PCSK5: variants seen among roughly 807,000 people sequenced by gnomAD.
The protein encoded by PCSK5 is proprotein convertase subtilisin/kexin type 5.
In PCSK5, 129 loss-of-function variants were observed where a neutral mutation model predicts 233.2. The observed-to-expected ratio is 0.55, with a 90% CI of 0.48 to 0.64. PCSK5 has a LOEUF of 0.64. PCSK5 is among the 30% of genes least tolerant of loss of function. The pLI, the probability that PCSK5 is intolerant of heterozygous loss-of-function variation, is 0.00. For synonymous variants in PCSK5, 825 were observed against 879.2 expected (o/e 0.94, Z 1.09); for missense variants, 2,076 against 2,430.1 (o/e 0.85, Z 3.06).
chr9:75,908,869 TTCTATTTATCTA>T (rs1346331082), intron 1 of PCSK5, among the ~76,000 whole-genome samples: 104 of 119,990 alleles, frequency 8.7e-4, no homozygotes, highest in African/African-American at 1.5e-3. Context: ...ATCCTTCTCT[TTCTATTTATCTA>T]TCTATCTATC....
At chr9:75,890,201 T>G (rs1825511896), upstream of PCSK5, among the ~76,000 whole-genome samples, 2 of 152,178 alleles carry the variant, frequency 1.3e-5, no homozygotes. Context: ...GAGCAGAAAG[T>G]GTAAAATAAA....
intron 7 of PCSK5, among the ~76,000 whole-genome samples, chr9:76,078,728 C>G (rs1830727669): frequency 2.0e-5 from 3 of 152,120 alleles, no homozygotes; most frequent in Admixed American, 2.0e-4. Flanking sequence ...TTACTGTAGG[C>G]TTTTAGTATA....
intron 12 of PCSK5, among the ~76,000 whole-genome samples, chr9:76,163,570 C>T (rs1184074825): frequency 6.6e-6 from 1 of 151,836 alleles, no homozygotes; most frequent in East Asian, 1.9e-4. Context: ...CCCCTGCCCT[C>T]CCACCCTCTT....
chr9:76,028,710 A>C (rs1000991470), intron 5 of PCSK5, among the ~76,000 whole-genome samples: 24 of 152,086 alleles, frequency 1.6e-4, no homozygotes, highest in African/African-American at 5.6e-4. Flanking sequence ...CCTAAACTGT[A>C]ATTTCTAATC....
intron 1 of PCSK5, among the ~76,000 whole-genome samples, chr9:75,927,821 G>T (rs1162596981): frequency 1.3e-5 from 2 of 152,072 alleles, no homozygotes; most frequent in African/African-American, 4.8e-5. Flanking sequence ...ATTATTTTTT[G>T]AAATTACAGG....
At chr9:76,103,626 A>G (rs1399078569) in intron 8 of PCSK5, among the ~76,000 whole-genome samples, 1 of 152,168 alleles carries the variant, frequency 6.6e-6, no homozygotes, top group African/African-American at 2.4e-5. Context: ...AACAGTACCC[A>G]CCGCTTGTCA....
intron 9 of PCSK5, among the ~76,000 whole-genome samples, chr9:76,108,323 G>A (rs920772147): frequency 1.3e-5 from 2 of 152,180 alleles, no homozygotes; most frequent in African/African-American, 2.4e-5. Flanking sequence ...TGATATAAGC[G>A]ATTTTCTAAA....
At chr9:76,050,457 A>T (rs1418531684) in intron 5 of PCSK5, among the ~76,000 whole-genome samples, 2 of 152,132 alleles carry the variant, frequency 1.3e-5, no homozygotes, top group Non-Finnish European at 2.9e-5. Context: ...TAGCATATAC[A>T]CTCAGTATAC....
At chr9:76,057,545 A>G (rs1723018325) in intron 5 of PCSK5, among the ~76,000 whole-genome samples, 1 of 152,194 alleles carries the variant, frequency 6.6e-6, no homozygotes, top group Non-Finnish European at 1.5e-5. Flanking sequence ...GTGAAGGTTC[A>G]GCTCAGATAA....
At chr9:75,956,764 TTGG>T (rs1174450450) in intron 2 of PCSK5, among the ~76,000 whole-genome samples, 2 of 152,174 alleles carry the variant, frequency 1.3e-5, no homozygotes, top group African/African-American at 4.8e-5. Flanking sequence ...CCTTATTTTC[TTGG>T]TGGTCCGCCT....
intron 5 of PCSK5, among the ~76,000 whole-genome samples, chr9:76,064,472 T>C (rs1587575917): frequency 8.1e-6 from 1 of 122,956 alleles, no homozygotes; most frequent in African/African-American, 3.3e-5. Flanking sequence ...ACCCCCCACC[T>C]CCCTCCCGGA....
At chr9:76,347,200 G>C (rs1020222138) in intron 35 of PCSK5, among the ~76,000 whole-genome samples, 2 of 151,660 alleles carry the variant, frequency 1.3e-5, no homozygotes, top group Non-Finnish European at 2.9e-5. Flanking sequence ...GCATCTTTCT[G>C]TGTAGACTGA....
At chr9:76,330,561 C>A (rs536779597) in intron 33 of PCSK5, among the ~76,000 whole-genome samples, 5 of 151,430 alleles carry the variant, frequency 3.3e-5, no homozygotes, top group Non-Finnish European at 5.9e-5. Context: ...CCAGTCTAGG[C>A]AACATAGTGA....
At chr9:76,200,953 C>T (rs570841277) in intron 20 of PCSK5, among the ~76,000 whole-genome samples, 1 of 152,332 alleles carries the variant, frequency 6.6e-6, no homozygotes, top group South Asian at 2.1e-4. Flanking sequence ...CTCCTGCCAA[C>T]ATATTTGAGA....
At chr9:76,265,019 A>G (rs1185030623) in intron 24 of PCSK5, among the ~76,000 whole-genome samples, 2 of 152,168 alleles carry the variant, frequency 1.3e-5, no homozygotes, top group Non-Finnish European at 2.9e-5. Context: ...GTGTCCATCA[A>G]TGGTGGGCTG....
At chr9:75,908,607 C>T (rs936565675) in intron 1 of PCSK5, among the ~76,000 whole-genome samples, 1 of 152,180 alleles carries the variant, frequency 6.6e-6, no homozygotes, top group African/African-American at 2.4e-5. Flanking sequence ...TGCACATGAA[C>T]TGGCATGTCC....
At chr9:75,989,723 G>A (rs1042911273) in intron 3 of PCSK5, among the ~76,000 whole-genome samples, 4 of 152,158 alleles carry the variant, frequency 2.6e-5, no homozygotes, top group Non-Finnish European at 2.9e-5. Flanking sequence ...TCCACTTGAC[G>A]TGGTGCTGGC....
chr9:76,249,971 A>G (rs1361281414), intron 24 of PCSK5, among the ~76,000 whole-genome samples: 1 of 152,206 alleles, frequency 6.6e-6, no homozygotes, highest in Non-Finnish European at 1.5e-5. Flanking sequence ...CAAATCTTTC[A>G]TGCAAAAGAA....
At chr9:76,044,981 C>T (rs779448320) in intron 5 of PCSK5, among the ~76,000 whole-genome samples, 12 of 152,108 alleles carry the variant, frequency 7.9e-5, no homozygotes, top group Admixed American at 7.9e-4. Flanking sequence ...CAAATCTTCT[C>T]GCAAAAACAG....
Sources: allele counts gnomAD v4.1 joint callset (sites outside exome capture counted in the v4.1 genomes callset), GRCh38; gene constraint gnomAD v4.1.1; transcripts MANE v1.5; gene names NCBI Gene and HGNC (gene_info 2026-07-23, HGNC 2026-07-21).